The following PDE8B variants were observed in gnomAD, a reference collection of about 807,000 sequenced individuals.
PDE8B encodes phosphodiesterase 8B, also known as high affinity cAMP-specific and IBMX-insensitive 3',5'-cyclic phosphodiesterase 8B.
Under a neutral mutation model 101.3 loss-of-function variants are expected in PDE8B, and 26 were observed. The observed-to-expected ratio is 0.26, with a 90% confidence interval of 0.19 to 0.36. PDE8B has a LOEUF of 0.36. PDE8B is among the 10% of genes least tolerant of loss of function. The pLI is 1.00. For missense variants in PDE8B, 810 were observed against 1,163.1 expected, an observed-to-expected ratio of 0.70 and a Z score of 4.42; for synonymous variants, 424 against 429.3, an observed-to-expected ratio of 0.99 and a Z score of 0.15.
the PDE8B span, among the ~76,000 whole-genome samples, chr5:77,155,072 C>T: frequency 4.6e-5 from 7 of 152,292 alleles, no homozygotes; most frequent in Middle Eastern, 0.017. Context: ...GTGGGAATAA[C>T]AGCCCATGTG....
intron 10 of PDE8B, among the ~76,000 whole-genome samples, chr5:77,392,452 A>G (rs1169091591): frequency 6.6e-6 from 1 of 152,216 alleles, no homozygotes; most frequent in East Asian, 1.9e-4. Flanking sequence ...CAGGGCTTAT[A>G]TACCATACAG....
At chr5:77,346,376 A>C (rs972536305) in intron 7 of PDE8B, among the ~76,000 whole-genome samples, 13 of 152,250 alleles carry the variant, frequency 8.5e-5, no homozygotes, top group African/African-American at 3.1e-4. Flanking sequence ...CATGAAGCAC[A>C]TTTGCTTTGC....
intron 1 of PDE8B, among the ~76,000 whole-genome samples, chr5:77,225,022 C>T (rs1356360257): frequency 1.3e-5 from 2 of 152,102 alleles, no homozygotes; most frequent in Admixed American, 6.6e-5. Flanking sequence ...TCAGGAGGCA[C>T]ATGATGTCTG....
At chr5:77,389,383 C>A (rs1789419297) in intron 10 of PDE8B, among the ~76,000 whole-genome samples, 1 of 152,154 alleles carries the variant, frequency 6.6e-6, no homozygotes, top group Admixed American at 6.6e-5. Context: ...CTTTGGCTCA[C>A]CCTCCGTGGG....
chr5:77,183,739 C>G, the PDE8B span, among the ~76,000 whole-genome samples: 5 of 152,286 alleles, frequency 3.3e-5, no homozygotes, highest in Admixed American at 6.5e-5. Flanking sequence ...ATTTTTAACT[C>G]TGTAAGCTTG....
rs72346580 is a variant in PDE8B, at chr5:77,233,654, C to CTGTGTGTGTGTG, written c.339+22425_339+22436dup. 1.3e-3 allele frequency among the ~76,000 whole-genome samples: 179 copies of CTGTGTGTGTGTG among 138,332 alleles called. 2 individuals carry two copies. The highest frequency in any genetic ancestry group is 8.7e-3 in the East Asian group (38 of 4,388). 90.8% of individuals were successfully genotyped at this position (138,332 alleles called of 152,430 possible). On this transcript the variant is annotated intron_variant, in intron 1 of 21. Coordinates refer to ENST00000264917, the MANE Select transcript of PDE8B (RefSeq NM_003719.5). ...TGACAGCCCCCAACCCCCTGAAGCT[C>CTGTGTGTGTGTG]TGTGTGTGTGTGTGTGTGTGTGTGT... is the stretch of plus-strand genomic sequence containing the variant.
the PDE8B span, among the ~76,000 whole-genome samples, chr5:77,197,942 G>A: frequency 5.9e-5 from 9 of 151,308 alleles, no homozygotes; most frequent in East Asian, 3.9e-4. Context: ...TCTTGTCTGC[G>A]AATTTCTGTC....
chr5:77,204,272 G>T, the PDE8B span, among the ~76,000 whole-genome samples: 1 of 151,822 alleles, frequency 6.6e-6, no homozygotes, highest in Admixed American at 6.6e-5. Context: ...TTAGCCAGGT[G>T]TGGTGGCATG....
At chr5:77,170,542 C>A in the PDE8B span, among the ~76,000 whole-genome samples, 1 of 152,162 alleles carries the variant, frequency 6.6e-6, no homozygotes, top group African/African-American at 2.4e-5. Context: ...AGAGAATAAG[C>A]AGGACTGAGG....
At chr5:77,210,507 C>A (rs1368922778), upstream of PDE8B, 2 of 447,840 alleles carry the variant, frequency 4.5e-6, no homozygotes, top group Non-Finnish European at 2.9e-6. This position sits in a 1 kb window ranked among gnomAD's most constrained non-coding sequence, Gnocchi z 4.9. Flanking sequence ...TGCAGGCAGG[C>A]GGGCAGGCGG....
chr5:77,193,093 G>T, the PDE8B span, among the ~76,000 whole-genome samples: 1 of 152,102 alleles, frequency 6.6e-6, no homozygotes, highest in East Asian at 1.9e-4. Context: ...CAAGTCATTG[G>T]ATGTATATTT....
chr5:77,305,839 A>G (rs1771077257), intron 1 of PDE8B, among the ~76,000 whole-genome samples: 1 of 152,228 alleles, frequency 6.6e-6, no homozygotes, highest in South Asian at 2.1e-4. Flanking sequence ...TTCTGTGCCC[A>G]CAGCTGGTGT....
At chr5:77,158,041 T>TA in the PDE8B span, among the ~76,000 whole-genome samples, 1 of 152,334 alleles carries the variant, frequency 6.6e-6, no homozygotes, top group African/African-American at 2.4e-5. Context: ...GGGCTACCTT[T>TA]ATCCTCATTT....
At chr5:77,400,217 CTTG>C in intron 10 of PDE8B, 28 bp from the exon 11 acceptor site, 2 of 1,509,204 alleles carry the variant, frequency 1.3e-6, no homozygotes, top group Non-Finnish European at 1.8e-6. Context: ...AAATCTTTCT[CTTG>C]TTTTATCAAA....
At chr5:77,218,017 G>A (rs1750181883) in intron 1 of PDE8B, among the ~76,000 whole-genome samples, 1 of 152,094 alleles carries the variant, frequency 6.6e-6, no homozygotes, top group Admixed American at 6.5e-5. Flanking sequence ...TCCTTAGGGA[G>A]AATGCACAGA....
At chr5:77,245,319 T>C (rs1212544929) in intron 1 of PDE8B, among the ~76,000 whole-genome samples, 5 of 152,214 alleles carry the variant, frequency 3.3e-5, no homozygotes, top group African/African-American at 4.8e-5. Flanking sequence ...AACTTTGTTT[T>C]TTAGGGGGAG....
intron 10 of PDE8B, among the ~76,000 whole-genome samples, chr5:77,364,816 A>T (rs1446891507): frequency 6.6e-6 from 1 of 152,178 alleles, no homozygotes; most frequent in Non-Finnish European, 1.5e-5. Context: ...TTTCATAGCA[A>T]ACACAACCCT....
chr5:77,299,851 G>A (rs978229250), intron 1 of PDE8B, among the ~76,000 whole-genome samples: 4 of 152,172 alleles, frequency 2.6e-5, no homozygotes, highest in African/African-American at 9.7e-5. Flanking sequence ...TCGCCACACT[G>A]ACTTCCACAA....
chr5:77,253,544 C>A (rs766888589), intron 1 of PDE8B, among the ~76,000 whole-genome samples: 1 of 152,076 alleles, frequency 6.6e-6, no homozygotes, highest in East Asian at 1.9e-4. Context: ...AAGATGACTG[C>A]GCCTATAGAT....
Sources: allele counts gnomAD v4.1 joint callset (sites outside exome capture counted in the v4.1 genomes callset), GRCh38; gene constraint gnomAD v4.1.1; non-coding constraint Gnocchi (gnomAD v3.1); transcripts MANE v1.5; gene names NCBI Gene and HGNC (gene_info 2026-07-23, HGNC 2026-07-21).